Variants in FLI1 observed in about 807,000 individuals in gnomAD.
FLI1 encodes Fli-1 proto-oncogene, ETS transcription factor, also known as Friend leukemia integration 1 transcription factor.
FLI1 carries 13 observed loss-of-function variants against 53.1 expected under a neutral mutation model. The ratio of observed to expected loss-of-function variants is 0.24; its 90% CI spans 0.16 to 0.39. The LOEUF is 0.39. FLI1 is among the 10% of genes least tolerant of loss of function. The probability of loss-of-function intolerance (pLI) is 1.00; values close to 1 mark genes in which losing one functional copy is unlikely to be tolerated. For missense variants in FLI1, 424 were observed against 600.5 expected, an observed-to-expected ratio of 0.71 and a Z score of 3.07; for synonymous variants, 244 against 236.7, an observed-to-expected ratio of 1.03 and a Z score of -0.28.
intron 5 of FLI1, among the ~76,000 whole-genome samples, chr11:128,799,873 C>T (rs577322726): frequency 1.3e-5 from 2 of 152,284 alleles, no homozygotes; most frequent in African/African-American, 4.8e-5. Flanking sequence ...TCCCCAAAGA[C>T]TGGACCTATT....
intron 5 of FLI1, among the ~76,000 whole-genome samples, chr11:128,787,130 GA>G (rs1942112517): frequency 6.6e-6 from 1 of 152,146 alleles, no homozygotes. Flanking sequence ...CCATGTTAAC[GA>G]GAGGCTGGCT....
At chr11:128,707,446 A>T (rs1341532474) in intron 1 of FLI1, among the ~76,000 whole-genome samples, 1 of 152,156 alleles carries the variant, frequency 6.6e-6, no homozygotes, top group Non-Finnish European at 1.5e-5. Flanking sequence ...TCTAGAAAGG[A>T]GAGGGAGAAA....
At chr11:128,757,589 C>T (rs371710433) in intron 1 of FLI1, among the ~76,000 whole-genome samples, 3 of 152,244 alleles carry the variant, frequency 2.0e-5, no homozygotes, top group South Asian at 4.1e-4. Flanking sequence ...CTGGCCACAG[C>T]CATGGGCACC....
intron 1 of FLI1, among the ~76,000 whole-genome samples, chr11:128,732,566 C>T (rs1939742974): frequency 6.6e-6 from 1 of 152,166 alleles, no homozygotes; most frequent in African/African-American, 2.4e-5. Flanking sequence ...TCTAATTATA[C>T]ATGTGGTAGG....
At chr11:128,789,579 G>T (rs1474797941) in intron 5 of FLI1, among the ~76,000 whole-genome samples, 1 of 152,180 alleles carries the variant, frequency 6.6e-6, no homozygotes, top group Non-Finnish European at 1.5e-5. Flanking sequence ...ATTTCTCCGG[G>T]CGAAGAGTTT....
At chr11:128,699,516 A>G (rs1009673397) in intron 1 of FLI1, among the ~76,000 whole-genome samples, 1 of 152,218 alleles carries the variant, frequency 6.6e-6, no homozygotes, top group Non-Finnish European at 1.5e-5. Flanking sequence ...ACCAGCCACA[A>G]TAGCTTTTTT....
At chr11:128,805,253 A>C in intron 5 of FLI1, 113 bp from the exon 6 acceptor site, 1 of 622,136 alleles carries the variant, frequency 1.6e-6, no homozygotes, top group Non-Finnish European at 2.8e-6. Flanking sequence ...GGATGCTTTA[A>C]AAGCCATTGC....
chr11:128,735,064 T>G (rs1229023228), intron 1 of FLI1, among the ~76,000 whole-genome samples: 2 of 152,188 alleles, frequency 1.3e-5, no homozygotes, highest in African/African-American at 4.8e-5. Flanking sequence ...CTTCAGAACC[T>G]TTGTTTCTTC....
chr11:128,811,389 T>A lies in FLI1; in HGVS notation c.*401T>A, dbSNP rs1008772372. On this transcript the variant is annotated 3_prime_UTR_variant, in exon 9 of 9. Coordinates refer to ENST00000527786, the MANE Select transcript of FLI1 (RefSeq NM_002017.5). ...GACACAGAATCATGGACTTAACCCG[T>A]CATGTTCTGGTTTGAGATTTAGTGA... 2 of 260,758 alleles carry A rather than the reference T, an allele frequency of 7.7e-6. No individual in the cohort carries two copies. The highest frequency in any genetic ancestry group is 1.5e-5 in the Non-Finnish European group (2 of 136,764). 16.2% of individuals were successfully genotyped at this position (260,758 alleles called of 1,614,324 possible).
intron 4 of FLI1, among the ~76,000 whole-genome samples, chr11:128,775,317 T>C (rs1477344047): frequency 1.3e-5 from 2 of 151,684 alleles, no homozygotes; most frequent in East Asian, 3.9e-4. Flanking sequence ...AGAAAAACCA[T>C]GTCTGCCTGC....
Position 128,758,315 on chromosome 11 carries a change from G to A in FLI1, c.219G>A (p.Met73Ile). The A allele has an allele frequency of 6.2e-7, 1 of 1,612,978 alleles. No individual in the cohort carries two copies. The highest frequency in any genetic ancestry group is 8.5e-7 in the Non-Finnish European group (1 of 1,179,380). The change falls in exon 2 of 9, where the codon ATG (methionine) becomes ATA (isoleucine). Residue 73 changes from methionine (M) to isoleucine (I), a missense_variant. Met to Ile is a conservative substitution (Grantham distance 10). Coordinates refer to ENST00000527786, the MANE Select transcript of FLI1 (RefSeq NM_002017.5). Reference protein sequence around the residue: ...RVNVKREYDHMNGSRESPVDC... With the variant: ...RVNVKREYDHINGSRESPVDC... ...ACGTCAAGCGGGAGTATGACCACAT[G>A]AATGGATCCAGGTAAGCTCACCAGG... is the stretch of plus-strand genomic sequence containing the variant.
chr11:128,711,951 A>G (rs2135719481), intron 1 of FLI1, among the ~76,000 whole-genome samples: 1 of 152,318 alleles, frequency 6.6e-6, no homozygotes, highest in African/African-American at 2.4e-5. Flanking sequence ...AAAACTTACT[A>G]GTTAGACTGG....
At chr11:128,752,037 G>T (rs150677325) in intron 1 of FLI1, among the ~76,000 whole-genome samples, 3 of 151,604 alleles carry the variant, frequency 2.0e-5, no homozygotes, top group Non-Finnish European at 4.4e-5. Context: ...GTGCTGTGCC[G>T]CTACATCGGC....
At chr11:128,757,080 C>CTTTT (rs1047616430) in intron 1 of FLI1, among the ~76,000 whole-genome samples, 2 of 146,138 alleles carry the variant, frequency 1.4e-5, no homozygotes, top group East Asian at 3.9e-4. Flanking sequence ...TTCTTTCTTT[C>CTTTT]TTTCTTTCTT....
intron 4 of FLI1, among the ~76,000 whole-genome samples, chr11:128,775,618 C>G (rs1011143103): frequency 1.3e-5 from 2 of 152,220 alleles, no homozygotes; most frequent in African/African-American, 4.8e-5. Context: ...CCGTGACAAC[C>G]AGCACTTTAA....
chr11:128,694,128 G>A lies in FLI1; in HGVS notation c.-131G>A. The stretch of plus-strand genomic sequence containing the variant: ...ACAGGGGAGTGAGGGCAGGGCGCTC[G>A]CAGGGGGCACGCAGGGAGGGCCCAG... On this transcript the variant is annotated 5_prime_UTR_variant, in exon 1 of 9. Coordinates refer to ENST00000527786, the MANE Select transcript of FLI1 (RefSeq NM_002017.5). The A allele has an allele frequency of 3.2e-6, 3 of 930,038 alleles. No individual in the cohort carries two copies. The highest frequency in any genetic ancestry group is 1.5e-6 in the Non-Finnish European group (1 of 651,256). The allele number at this position is 930,038 out of a possible 1,614,324, so 57.6% of individuals were successfully genotyped here.
chr11:128,791,775 A>G (rs559573), intron 5 of FLI1, among the ~76,000 whole-genome samples: 59,387 of 151,550 alleles, frequency 0.39, 12,739 homozygotes, highest in African/African-American at 0.6. Context: ...CCATCCCTGA[A>G]CAAGGAAGCA....
At chr11:128,708,177 C>A (rs1028344380) in intron 1 of FLI1, among the ~76,000 whole-genome samples, 2 of 152,274 alleles carry the variant, frequency 1.3e-5, no homozygotes. Context: ...GCTTTCAGCT[C>A]AGAGCTACCA....
intron 5 of FLI1, among the ~76,000 whole-genome samples, chr11:128,788,341 T>C (rs894440613): frequency 2.6e-5 from 4 of 151,980 alleles, no homozygotes; most frequent in African/African-American, 7.3e-5. Flanking sequence ...TGGTGGCATG[T>C]GCCTGTAGTC....
Sources: allele counts gnomAD v4.1 joint callset (sites outside exome capture counted in the v4.1 genomes callset), GRCh38; gene constraint gnomAD v4.1.1; transcripts MANE v1.5; gene names NCBI Gene and HGNC (gene_info 2026-07-23, HGNC 2026-07-21).